The following CADM1 variants were observed in gnomAD, a reference collection of about 807,000 sequenced individuals.
CADM1 encodes the protein TSLC-1.
Under a neutral mutation model 53.1 loss-of-function variants are expected in CADM1, and 15 were observed. The observed-to-expected ratio is 0.28, with a 90% CI of 0.19 to 0.44. CADM1 has a LOEUF of 0.44. CADM1 is among the 20% of genes least tolerant of loss of function. CADM1 has a pLI of 1.00. For missense variants in CADM1, 434 were observed against 611.3 expected, an observed-to-expected ratio of 0.71 and a Z score of 3.06; for synonymous variants, 281 against 243.0, an observed-to-expected ratio of 1.16 and a Z score of -1.45.
chr11:115,477,323 A>G (rs1949157488), intron 1 of CADM1, among the ~76,000 whole-genome samples: 1 of 152,218 alleles, frequency 6.6e-6, no homozygotes, highest in Admixed American at 6.5e-5. Context: ...GTATAATAAC[A>G]TCTTAACCAA....
chr11:115,248,786 A>G (rs1250851609), intron 1 of CADM1, among the ~76,000 whole-genome samples: 1 of 152,138 alleles, frequency 6.6e-6, no homozygotes, highest in Non-Finnish European at 1.5e-5. Flanking sequence ...TGAGAACTAA[A>G]AGAGAGAGAA....
intron 1 of CADM1, among the ~76,000 whole-genome samples, chr11:115,475,242 G>C (rs917682177): frequency 2.0e-5 from 3 of 151,892 alleles, no homozygotes; most frequent in African/African-American, 4.8e-5. Flanking sequence ...TTTTTTATTT[G>C]TATCATTTTT....
At chr11:115,311,974 AT>A (rs1944543760) in intron 1 of CADM1, among the ~76,000 whole-genome samples, 1 of 152,152 alleles carries the variant, frequency 6.6e-6, no homozygotes, top group African/African-American at 2.4e-5. Context: ...TACTCAATGT[AT>A]TTAATATGTT....
intron 1 of CADM1, among the ~76,000 whole-genome samples, chr11:115,411,268 C>T (rs1457196355): frequency 6.6e-6 from 1 of 152,186 alleles, no homozygotes; most frequent in Non-Finnish European, 1.5e-5. Context: ...CTGTGACAAA[C>T]TGTTTGTGTC....
chr11:115,418,751 G>A (rs1222780572), intron 1 of CADM1, among the ~76,000 whole-genome samples: 1 of 152,140 alleles, frequency 6.6e-6, no homozygotes, highest in East Asian at 1.9e-4. Context: ...AGCCAAGAGT[G>A]AGGCCTTGAC....
intron 1 of CADM1, among the ~76,000 whole-genome samples, chr11:115,447,123 C>T (rs751934652): frequency 6.6e-6 from 1 of 152,090 alleles, no homozygotes; most frequent in Non-Finnish European, 1.5e-5. Context: ...TGGAAGTGAA[C>T]TAAATAATGA....
intron 1 of CADM1, among the ~76,000 whole-genome samples, chr11:115,303,670 A>C (rs1377560769): frequency 1.3e-5 from 2 of 151,978 alleles, no homozygotes; most frequent in Non-Finnish European, 2.9e-5. Context: ...CAATTTAGGA[A>C]CTTGACACCC....
intron 1 of CADM1, among the ~76,000 whole-genome samples, chr11:115,444,324 T>G (rs1480454148): frequency 6.6e-6 from 1 of 152,182 alleles, no homozygotes; most frequent in South Asian, 2.1e-4. Flanking sequence ...AGAAAAATGA[T>G]GGAATATGGT....
intron 1 of CADM1, among the ~76,000 whole-genome samples, chr11:115,293,173 C>T (rs557007233): frequency 2.4e-4 from 36 of 152,190 alleles, no homozygotes; most frequent in Non-Finnish European, 4.1e-4. Flanking sequence ...TGACTCACGC[C>T]TGTAATCCCA....
chr11:115,188,175 G>A (rs190668744), intron 10 of CADM1, among the ~76,000 whole-genome samples: 159 of 152,276 alleles, frequency 1.0e-3, no homozygotes, highest in South Asian at 2.9e-3. Flanking sequence ...AAAATAGAAG[G>A]ATAAATATGC....
Position 115,307,324 on chromosome 11 carries a change from G to A in CADM1, c.125-66904C>T, listed in dbSNP as rs551093820. ...AAAAAGTAACTTGAAAAGTTTAAAT[G>A]TCCCAGGTATCCAGATCTTGCAAAT... On this transcript the variant is annotated intron_variant, in intron 1 of 11. Coordinates refer to ENST00000331581, the MANE Select transcript of CADM1 (RefSeq NM_001301043.2). Among the ~76,000 whole-genome samples, 20 of 151,888 alleles carry A rather than the reference G, an allele frequency of 1.3e-4. No individual in the cohort carries two copies. The South Asian group carries it at 3.7e-3, about 28-fold the overall frequency.
intron 1 of CADM1, among the ~76,000 whole-genome samples, chr11:115,400,258 G>A (rs1228727644): frequency 2.0e-5 from 3 of 152,088 alleles, no homozygotes; most frequent in Non-Finnish European, 1.5e-5. Context: ...GGATAGGGAA[G>A]AGGCAGGCAC....
chr11:115,412,693 G>T (rs1338388289), intron 1 of CADM1, among the ~76,000 whole-genome samples: 1 of 152,072 alleles, frequency 6.6e-6, no homozygotes, highest in Non-Finnish European at 1.5e-5. Flanking sequence ...TACCTCACTG[G>T]AGTTACAAAT....
chr11:115,312,408 G>A (rs12290790), intron 1 of CADM1, among the ~76,000 whole-genome samples: 22,716 of 151,950 alleles, frequency 0.15, 2,017 homozygotes, highest in African/African-American at 0.23. Flanking sequence ...TTTGATTACC[G>A]GAGGGTAGGA....
intron 1 of CADM1, among the ~76,000 whole-genome samples, chr11:115,338,339 A>G (rs752344944): frequency 2.6e-5 from 4 of 152,154 alleles, no homozygotes; most frequent in Non-Finnish European, 4.4e-5. Context: ...TTACACAGCT[A>G]GTAAGTAATA....
At chr11:115,399,635 T>A (rs181256383) in intron 1 of CADM1, 2 of 152,210 alleles carry the variant, frequency 1.3e-5, no homozygotes, top group Non-Finnish European at 2.9e-5. Flanking sequence ...CTGAGCACCA[T>A]AGTATAAAAA....
intron 3 of CADM1, among the ~76,000 whole-genome samples, chr11:115,233,238 CTAATA>C (rs1335525660): frequency 1.3e-5 from 2 of 152,100 alleles, no homozygotes; most frequent in Admixed American, 6.6e-5. Flanking sequence ...GGATGTGTTG[CTAATA>C]TGATATGGCC....
At chr11:115,364,370 T>G (rs1946104802) in intron 1 of CADM1, among the ~76,000 whole-genome samples, 1 of 152,206 alleles carries the variant, frequency 6.6e-6, no homozygotes, top group Admixed American at 6.5e-5. Flanking sequence ...CTCCTATCCA[T>G]TTTCCACTCT....
At chr11:115,286,882 GA>G (rs1282958821) in intron 1 of CADM1, among the ~76,000 whole-genome samples, 2 of 152,172 alleles carry the variant, frequency 1.3e-5, no homozygotes, top group East Asian at 3.8e-4. Flanking sequence ...AGAACAGAAG[GA>G]AAGTGCATTT....
Sources: allele counts gnomAD v4.1 joint callset (sites outside exome capture counted in the v4.1 genomes callset), GRCh38; gene constraint gnomAD v4.1.1; transcripts MANE v1.5; gene names NCBI Gene and HGNC (gene_info 2026-07-23, HGNC 2026-07-21).